The following ADIPOR2 variants were observed in gnomAD, a reference collection of about 807,000 sequenced individuals.
The protein encoded by ADIPOR2 is adiponectin receptor 2, also known as adiponectin receptor protein 2.
ADIPOR2 carries 18 observed loss-of-function variants against 40.9 expected under a neutral mutation model. That is an observed-to-expected ratio of 0.44 (90% CI 0.30 to 0.65). ADIPOR2 has a LOEUF of 0.65. ADIPOR2 is among the 30% of genes least tolerant of loss of function. The pLI is 0.09. For synonymous variants in ADIPOR2, 165 were observed against 166.4 expected (o/e 0.99, Z 0.06); for missense variants, 283 against 479.2 (o/e 0.59, Z 3.82).
intron 1 of ADIPOR2, among the ~76,000 whole-genome samples, chr12:1,739,470 G>A (rs966600874): frequency 4.6e-5 from 7 of 152,228 alleles, no homozygotes; most frequent in Non-Finnish European, 8.8e-5. Flanking sequence ...CATGAGCAAA[G>A]ATTGGTGTTT....
intron 1 of ADIPOR2, among the ~76,000 whole-genome samples, chr12:1,706,227 G>C (rs2094662104): frequency 6.6e-6 from 1 of 152,176 alleles, no homozygotes; most frequent in South Asian, 2.1e-4. Flanking sequence ...TCATTGGTAA[G>C]TAGAGATAAT....
intron 2 of ADIPOR2, among the ~76,000 whole-genome samples, chr12:1,772,555 A>G (rs917083341): frequency 4.6e-5 from 7 of 152,152 alleles, no homozygotes; most frequent in Admixed American, 6.5e-5. Context: ...TATGGGGTCT[A>G]TGACATAATT....
chr12:1,756,930 C>A (rs990810490), intron 2 of ADIPOR2, among the ~76,000 whole-genome samples: 2 of 151,860 alleles, frequency 1.3e-5, no homozygotes, highest in Non-Finnish European at 2.9e-5. Context: ...GAGGGAAGAG[C>A]GGGTTTAAGG....
intron 3 of ADIPOR2, among the ~76,000 whole-genome samples, chr12:1,777,435 G>A (rs1014958104): frequency 1.4e-5 from 2 of 139,962 alleles, no homozygotes; most frequent in South Asian, 2.2e-4. Flanking sequence ...TGCCCAGGCT[G>A]GAGTGCAATG....
At chr12:1,712,514 C>T (rs1013946247) in intron 1 of ADIPOR2, among the ~76,000 whole-genome samples, 20 of 152,182 alleles carry the variant, frequency 1.3e-4, no homozygotes, top group African/African-American at 4.1e-4. Context: ...AGGGTTGTCC[C>T]GTGAGTCTGA....
At chr12:1,710,265 T>C (rs1266404762) in intron 1 of ADIPOR2, among the ~76,000 whole-genome samples, 3 of 152,210 alleles carry the variant, frequency 2.0e-5, no homozygotes, top group African/African-American at 4.8e-5. Flanking sequence ...CCTTCCATGC[T>C]GTGGAAGCTT....
intron 1 of ADIPOR2, among the ~76,000 whole-genome samples, chr12:1,694,304 C>T (rs2094633486): frequency 6.6e-6 from 1 of 152,188 alleles, no homozygotes; most frequent in African/African-American, 2.4e-5. Flanking sequence ...AAAGTTTAGA[C>T]AGTCCAGAGA....
chr12:1,754,458 CA>C lies in ADIPOR2; in HGVS notation c.117del (p.Gly40GlufsTer7), dbSNP rs1300718353. ...ACGAAGAGGTGATAATGACAGCCAC[CA>C]AGGAGATTTGGAGCCCATTTTAGAG... The part of the protein sequence containing the change: ...GTRRGDNDSH[Q>X]GDLEPILEAS... On this transcript the variant is annotated frameshift_variant, in exon 2 of 8. Coordinates refer to ENST00000357103, the MANE Select transcript of ADIPOR2 (RefSeq NM_024551.3). LOFTEE classifies it high-confidence loss of function. 1 of 1,613,152 alleles carries C rather than the reference CA, an allele frequency of 6.2e-7. No individual in the cohort carries two copies. Among genetic ancestry groups the C allele is most frequent in the Admixed American group, 1.7e-5 (1 of 59,884 alleles).
intron 1 of ADIPOR2, among the ~76,000 whole-genome samples, chr12:1,726,852 T>C (rs150267149): frequency 4.7e-4 from 72 of 152,348 alleles, no homozygotes; most frequent in African/African-American, 1.6e-3. Flanking sequence ...TCATTATTGT[T>C]CCGCTTTGAA....
chr12:1,784,804 A>G (rs1226225552), intron 7 of ADIPOR2, among the ~76,000 whole-genome samples: 2 of 152,224 alleles, frequency 1.3e-5, no homozygotes, highest in East Asian at 3.8e-4. Flanking sequence ...TTTCAACAAG[A>G]CAACATTGGA....
Position 1,786,118 on chromosome 12 carries a change from G to A in ADIPOR2, c.*46G>A. 6.3e-7 allele frequency: 1 copy of A among 1,586,982 alleles called. No individual in the cohort carries two copies. The highest frequency in any genetic ancestry group is 8.6e-7 in the Non-Finnish European group (1 of 1,167,916). On this transcript the variant is annotated 3_prime_UTR_variant, in exon 8 of 8. Coordinates refer to ENST00000357103, the MANE Select transcript of ADIPOR2 (RefSeq NM_024551.3). ...CTATGACCCTAAACCAGGGCCTGCGGCACTTGCGGGCCTCCCTGCTGGCTA... is the reference window on the plus strand; with the variant it reads ...CTATGACCCTAAACCAGGGCCTGCGACACTTGCGGGCCTCCCTGCTGGCTA...
intron 1 of ADIPOR2, among the ~76,000 whole-genome samples, chr12:1,739,382 G>C (rs929766350): frequency 1.3e-5 from 2 of 152,228 alleles, no homozygotes; most frequent in African/African-American, 4.8e-5. Context: ...TTCCCTCTCT[G>C]AAAGTAAAAT....
chr12:1,711,108 A>C (rs1443394584), intron 1 of ADIPOR2, among the ~76,000 whole-genome samples: 1 of 152,110 alleles, frequency 6.6e-6, no homozygotes, highest in Non-Finnish European at 1.5e-5. Context: ...TTCTTCCCCT[A>C]AGAAGGTGCA....
rs962247434 is a variant in ADIPOR2 at position 1,737,674 on chromosome 12, C to T, written c.-86-16584C>T. On this transcript the variant is annotated intron_variant, in intron 1 of 7. Transcript: ENST00000357103. ...CTTGGCTCACTGTGACCTCTACCTC[C>T]TGGGTTCGAGCAATTCTTGTGCCCC... is the stretch of plus-strand genomic sequence containing the variant. 2.6e-5 allele frequency among the ~76,000 whole-genome samples: 4 copies of T among 152,212 alleles called. No homozygotes were observed. In the East Asian group the frequency reaches 5.8e-4, roughly 22 times the overall value.
intron 4 of ADIPOR2, 114 bp downstream of exon 4, chr12:1,778,139 T>G (rs1798163048): frequency 8.3e-7 from 1 of 1,212,112 alleles, no homozygotes; most frequent in Non-Finnish European, 1.1e-6. Context: ...GCCATTTTGT[T>G]TTCTGAATTT....
Position 1,702,078 on chromosome 12 carries a change from C to T in ADIPOR2, c.-87+10887C>T, listed in dbSNP as rs564949984. On this transcript the variant is annotated intron_variant, in intron 1 of 7. Coordinates refer to ENST00000357103, the MANE Select transcript of ADIPOR2 (RefSeq NM_024551.3). ...CAGAGGTTTCAGTGAGCCGAGATCA[C>T]GCCATTGCACTCCAGCTTGGGTGAT... 5.3e-5 allele frequency among the ~76,000 whole-genome samples: 8 copies of T among 152,214 alleles called. No homozygotes were observed. In the South Asian group the frequency reaches 6.2e-4, roughly 12 times the overall value.
Position 1,729,617 on chromosome 12 carries a change from G to GTTTTTTTT in ADIPOR2, c.-86-24624_-86-24617dup, listed in dbSNP as rs56921758. Among the ~76,000 whole-genome samples the GTTTTTTTT allele has an allele frequency of 1.5e-3, 137 of 88,916 alleles. 3 individuals are homozygous for GTTTTTTTT. Among genetic ancestry groups the GTTTTTTTT allele is most frequent in the East Asian group, 4.8e-3 (14 of 2,902 alleles). The allele number at this position is 88,916 out of a possible 152,430, so 58.3% of individuals were successfully genotyped here. On this transcript the variant is annotated intron_variant, in intron 1 of 7. Transcript: ENST00000357103. ...CATGAGCCAATGAGCTCAGCCAGTT[G>GTTTTTTTT]TTTTTTTTTTTTTTTTTTTTTTTTG... is the stretch of plus-strand genomic sequence containing the variant.
chr12:1,732,359 C>T (rs1255441204), intron 1 of ADIPOR2, among the ~76,000 whole-genome samples: 1 of 152,174 alleles, frequency 6.6e-6, no homozygotes, highest in Non-Finnish European at 1.5e-5. Context: ...TTTTTACTGT[C>T]TCCTTAGTTT....
intron 2 of ADIPOR2, chr12:1,757,345 CA>C (rs1352123631): frequency 3.2e-5 from 22 of 696,640 alleles, no homozygotes; most frequent in Non-Finnish European, 4.7e-5. Flanking sequence ...TTGCCAATAA[CA>C]AAAATGTTGG....
Sources: gnomAD v4.1 joint callset for allele counts (sites outside exome capture counted in the v4.1 genomes callset) on GRCh38, gnomAD v4.1.1 for gene constraint, MANE v1.5 for transcripts, NCBI Gene and HGNC (gene_info 2026-07-23, HGNC 2026-07-21) for gene names.